The following NIPSNAP1 variants were observed in gnomAD, a reference collection of about 807,000 sequenced individuals.
NIPSNAP1 encodes the protein nipsnap homolog 1.
In NIPSNAP1, 25 loss-of-function variants were observed where a neutral mutation model predicts 49.2. The ratio of observed to expected loss-of-function variants is 0.51; its 90% CI spans 0.37 to 0.71. NIPSNAP1 has a LOEUF of 0.71. Among genes scored for constraint, NIPSNAP1 ranks in the 30% least tolerant of loss-of-function variants. NIPSNAP1 has a pLI of 0.00. For synonymous variants in NIPSNAP1, 143 were observed against 140.7 expected, an observed-to-expected ratio of 1.02 and a Z score of -0.12; for missense variants, 294 against 361.0, an observed-to-expected ratio of 0.81 and a Z score of 1.50.
chr22:29,569,339 T>C, intron 3 of NIPSNAP1, 52 bp from the exon 4 acceptor site: 1 of 1,379,018 alleles, frequency 7.3e-7, no homozygotes. Context: ...CCAGGGCCTC[T>C]GAGATAAGGG....
chr22:29,574,289 A>AAAAAAAAAAAAAAAAAGAAAGAAAAAG (rs2064434492), intron 1 of NIPSNAP1, among the ~76,000 whole-genome samples: 6 of 125,252 alleles, frequency 4.8e-5, no homozygotes, highest in African/African-American at 1.6e-4. Flanking sequence ...AAAAAAAAAA[A>AAAAAAAAAAAAAAAAAGAAAGAAAAAG]AAAGAAAGAA....
chr22:29,579,925 TG>T, intron 1 of NIPSNAP1: 1 of 434,810 alleles, frequency 2.3e-6, no homozygotes, highest in Non-Finnish European at 4.3e-6. Flanking sequence ...GCAGTCTAGG[TG>T]GGGCGCTTAT....
At chr22:29,577,895 AT>A (rs34431643) in intron 1 of NIPSNAP1, among the ~76,000 whole-genome samples, 23,784 of 99,262 alleles carry the variant, frequency 0.24, 2,341 homozygotes, top group Non-Finnish European at 0.28. Context: ...ACCATGCCTA[AT>A]TTTTTTTTTT....
chr22:29,575,971 C>T (rs2064448845), intron 1 of NIPSNAP1, among the ~76,000 whole-genome samples: 1 of 151,540 alleles, frequency 6.6e-6, no homozygotes, highest in Non-Finnish European at 1.5e-5. Flanking sequence ...GCCTCAGCCT[C>T]CCAAAGTGCT....
chr22:29,574,289 A>AAAAAGAAAAAG (rs2064434492), intron 1 of NIPSNAP1, among the ~76,000 whole-genome samples: 1 of 125,266 alleles, frequency 8.0e-6, no homozygotes, highest in African/African-American at 3.3e-5. Context: ...AAAAAAAAAA[A>AAAAAGAAAAAG]AAAGAAAGAA....
chr22:29,561,555 T>C lies in NIPSNAP1; in HGVS notation c.530A>G (p.Gln177Arg). 1 of 1,614,166 alleles carries C rather than the reference T, an allele frequency of 6.2e-7. No individual in the cohort carries two copies. The highest frequency in any genetic ancestry group is 8.5e-7 in the Non-Finnish European group (1 of 1,180,036). The change falls in exon 6 of 10, where the codon CAG (glutamine) becomes CGG (arginine). Residue 177 changes from glutamine (Q) to arginine (R), a missense_variant. By Grantham distance (43) the Gln-to-Arg change is conservative. This residue lies in a region of NIPSNAP1 where 146 missense variants were observed against 219.9 expected (regional missense o/e 0.66). Coordinates refer to ENST00000216121, the MANE Select transcript of NIPSNAP1 (RefSeq NM_003634.4). Reference protein sequence around the residue: ...LLEFSFWNEPQPRMGPNIYEL... With the variant: ...LLEFSFWNEPRPRMGPNIYEL... ...ATAGATGTTGGGACCCATTCTGGGCTGTGGCTCATTCCAGAAGCTGAACTC... is the reference window on the plus strand; with the variant it reads ...ATAGATGTTGGGACCCATTCTGGGCCGTGGCTCATTCCAGAAGCTGAACTC...
chr22:29,563,621 C>T (rs1333592855), intron 4 of NIPSNAP1, among the ~76,000 whole-genome samples: 1 of 152,064 alleles, frequency 6.6e-6, no homozygotes, highest in Non-Finnish European at 1.5e-5. Flanking sequence ...CACCCAGAAC[C>T]TCAGAATGTG....
intron 9 of NIPSNAP1, among the ~76,000 whole-genome samples, chr22:29,558,446 G>C (rs1000590172): frequency 6.6e-6 from 1 of 152,078 alleles, no homozygotes; most frequent in African/African-American, 2.4e-5. Flanking sequence ...TCCACCCTGG[G>C]TGACAGAGTG....
At chr22:29,562,686 C>T (rs549116438) in intron 4 of NIPSNAP1, among the ~76,000 whole-genome samples, 34 of 151,602 alleles carry the variant, frequency 2.2e-4, no homozygotes, top group African/African-American at 7.5e-4. Context: ...AGCGAAACTC[C>T]GTCTCAAAAA....
chr22:29,573,908 C>T (rs2146615175), intron 1 of NIPSNAP1, among the ~76,000 whole-genome samples: 1 of 151,834 alleles, frequency 6.6e-6, no homozygotes, highest in Admixed American at 6.6e-5. Context: ...CACTGCACTC[C>T]AGCCTGGGCA....
At position 29,580,426 on chromosome 22, in the gene NIPSNAP1, T is replaced by C. The variant is rs113104743; in HGVS notation, c.98+559A>G. Among the ~76,000 whole-genome samples the C allele has an allele frequency of 4.7e-4, 72 of 152,290 alleles. 1 individual carries two copies. The highest frequency in any genetic ancestry group is 1.7e-3 in the African/African-American group (69 of 41,554). On this transcript the variant is annotated intron_variant, in intron 1 of 9. Transcript: ENST00000216121. ...AGTTGGGTGCAAAGTGCATGGCGCA[T>C]TGGCAGGCCTGGGTCCCAGACCTGG...
At position 29,579,047 on chromosome 22, in the gene NIPSNAP1, G is replaced by T. The variant is rs566821234; in HGVS notation, c.98+1938C>A. ...AAGGAGCAACACTTACTGCATGTTC[G>T]TCAAGTGCTAGACACTTCACAACCA... On this transcript the variant is annotated intron_variant, in intron 1 of 9. Coordinates refer to ENST00000216121, the MANE Select transcript of NIPSNAP1 (RefSeq NM_003634.4). Among the ~76,000 whole-genome samples, 78 of 151,252 alleles carry T rather than the reference G, an allele frequency of 5.2e-4. 1 individual carries two copies. The highest frequency in any genetic ancestry group is 2.1e-4 in the South Asian group (1 of 4,818).
intron 4 of NIPSNAP1, chr22:29,564,363 AGGAATGACCTGT>A (rs2064355658): frequency 4.2e-6 from 2 of 470,952 alleles, no homozygotes; most frequent in Admixed American, 2.3e-5. Flanking sequence ...TACCAAAACC[AGGAATGACCTGT>A]GGAAAACGGA....
rs112506860 is a variant in NIPSNAP1 at position 29,569,376 on chromosome 22, G to A, written c.273-89C>T. The A allele has an allele frequency of 5.9e-3, 5,611 of 957,578 alleles. 202 individuals carry two copies. The African/African-American group carries it at 0.075, about 13-fold the overall frequency. 59.3% of individuals were successfully genotyped at this position (957,578 alleles called of 1,614,324 possible). On this transcript the variant is annotated intron_variant, in intron 3 of 9. Transcript: ENST00000216121. ...TCAAACTCAGTTCAAACAGACCCTG[G>A]GGCTGGGCCTCAGACTCTCCATCTC...
At chr22:29,579,244 T>A (rs556513830) in intron 1 of NIPSNAP1, among the ~76,000 whole-genome samples, 3 of 150,204 alleles carry the variant, frequency 2.0e-5, no homozygotes, top group South Asian at 4.2e-4. Flanking sequence ...GCTAATTGTA[T>A]TTTTAGTAGA....
intron 5 of NIPSNAP1, 33 bp downstream of exon 5, chr22:29,561,759 C>T (rs529824220): frequency 9.6e-5 from 155 of 1,613,566 alleles, no homozygotes; most frequent in Non-Finnish European, 1.2e-4. Flanking sequence ...CATCCCACAT[C>T]CAGAGAGGTG....
In NIPSNAP1 at chr22:29,559,262, T is replaced by C. The variant is rs535990915; in HGVS notation, c.707-309A>G. On this transcript the variant is annotated intron_variant, in intron 8 of 9. Coordinates refer to ENST00000216121, the MANE Select transcript of NIPSNAP1 (RefSeq NM_003634.4). ...CATTTTTAGTGTTAACACTTCCGGC[T>C]AGGTGCGGTGGCTCATGCCTATAAT... is the stretch of plus-strand genomic sequence containing the variant. Among the ~76,000 whole-genome samples the C allele has an allele frequency of 3.9e-5, 6 of 152,136 alleles. No individual in the cohort carries two copies. In the East Asian group the frequency reaches 1.2e-3, roughly 29 times the overall value.
At chr22:29,578,399 T>C (rs2064471727) in intron 1 of NIPSNAP1, among the ~76,000 whole-genome samples, 1 of 151,180 alleles carries the variant, frequency 6.6e-6, no homozygotes, top group South Asian at 2.1e-4. Context: ...CTCAAACTCC[T>C]GGGTTCAAGC....
At chr22:29,572,213 G>A (rs1018214152) in intron 1 of NIPSNAP1, among the ~76,000 whole-genome samples, 1 of 143,066 alleles carries the variant, frequency 7.0e-6, no homozygotes, top group African/African-American at 2.6e-5. Flanking sequence ...TGAGGCAGGA[G>A]AATTGCTTGA....
Sources: allele counts gnomAD v4.1 joint callset (sites outside exome capture counted in the v4.1 genomes callset), GRCh38; gene constraint gnomAD v4.1.1; regional missense constraint gnomAD v4.1.1; transcripts MANE v1.5; gene names NCBI Gene and HGNC (gene_info 2026-07-23, HGNC 2026-07-21).